MDFIC2: variants seen among roughly 807,000 people sequenced by gnomAD.
MDFIC2 encodes MyoD family inhibitor domain containing 2, also known as myoD family inhibitor domain-containing protein 2.
chr3:70,286,762 A>C (rs1702168657), intron 2 of MDFIC2, among the ~76,000 whole-genome samples: 1 of 152,104 alleles, frequency 6.6e-6, no homozygotes, highest in South Asian at 2.1e-4. Context: ...TTCTCCTTGA[A>C]GAGGTCCTTC....
At chr3:70,223,552 TC>T (rs1057271541) in intron 2 of MDFIC2, among the ~76,000 whole-genome samples, 3 of 152,106 alleles carry the variant, frequency 2.0e-5, no homozygotes, top group Admixed American at 2.0e-4. Context: ...GCTGAGGTTG[TC>T]TCCCCCACCA....
At chr3:70,303,087 T>C (rs1024479391) in intron 2 of MDFIC2, among the ~76,000 whole-genome samples, 3 of 152,208 alleles carry the variant, frequency 2.0e-5, no homozygotes, top group Non-Finnish European at 4.4e-5. Flanking sequence ...GTAAGTATTC[T>C]CCTTCCTGAA....
intron 2 of MDFIC2, among the ~76,000 whole-genome samples, chr3:70,221,361 T>C (rs1169481681): frequency 6.6e-6 from 1 of 152,170 alleles, no homozygotes; most frequent in South Asian, 2.1e-4. Flanking sequence ...TCAATTTTCC[T>C]AGTGAGGAGA....
chr3:70,232,851 GA>G (rs1403661885), intron 2 of MDFIC2, among the ~76,000 whole-genome samples: 1 of 151,988 alleles, frequency 6.6e-6, no homozygotes, highest in Non-Finnish European at 1.5e-5. Context: ...CAGAAAGAAG[GA>G]AAAAAATCTT....
intron 2 of MDFIC2, among the ~76,000 whole-genome samples, chr3:70,295,111 G>A (rs572545748): frequency 6.6e-6 from 1 of 152,162 alleles, no homozygotes; most frequent in Non-Finnish European, 1.5e-5. Flanking sequence ...GGTTAAACCA[G>A]TCAGAATTCT....
At chr3:70,253,913 T>C (rs1264453568) in intron 2 of MDFIC2, among the ~76,000 whole-genome samples, 1 of 152,130 alleles carries the variant, frequency 6.6e-6, no homozygotes, top group Non-Finnish European at 1.5e-5. Flanking sequence ...AAATGTATAA[T>C]CTCTTTTAAA....
intron 2 of MDFIC2, among the ~76,000 whole-genome samples, chr3:70,237,618 C>G (rs997363961): frequency 1.3e-5 from 2 of 152,180 alleles, no homozygotes; most frequent in Admixed American, 1.3e-4. Flanking sequence ...AACCTAGTGT[C>G]CTACATATAG....
intron 2 of MDFIC2, among the ~76,000 whole-genome samples, chr3:70,310,905 T>C (rs183221212): frequency 1.3e-5 from 2 of 152,290 alleles, no homozygotes; most frequent in East Asian, 1.9e-4. Context: ...TTTGGCACTT[T>C]CCAATTTTGT....
intron 2 of MDFIC2, among the ~76,000 whole-genome samples, chr3:70,285,977 G>C (rs1702158002): frequency 6.6e-6 from 1 of 151,348 alleles, no homozygotes; most frequent in Non-Finnish European, 1.5e-5. Context: ...CAGATGAGTA[G>C]GTTGTGAAAA....
At chr3:70,274,491 A>G (rs1258087840) in intron 2 of MDFIC2, among the ~76,000 whole-genome samples, 1 of 152,206 alleles carries the variant, frequency 6.6e-6, no homozygotes, top group Non-Finnish European at 1.5e-5. Flanking sequence ...ATTAATGTTA[A>G]GTTGACTGAA....
At chr3:70,265,961 G>C (rs1415926059) in intron 2 of MDFIC2, among the ~76,000 whole-genome samples, 1 of 152,128 alleles carries the variant, frequency 6.6e-6, no homozygotes, top group East Asian at 1.9e-4. Flanking sequence ...CCCTTGACAC[G>C]TGTAAATTAT....
chr3:70,243,648 C>T (rs184823771), intron 2 of MDFIC2, among the ~76,000 whole-genome samples: 16 of 152,212 alleles, frequency 1.1e-4, no homozygotes, highest in Non-Finnish European at 4.4e-5. Flanking sequence ...TAGCCTCTAC[C>T]CACTCGATGC....
At chr3:70,287,760 T>C (rs1476986795) in intron 2 of MDFIC2, among the ~76,000 whole-genome samples, 7 of 151,622 alleles carry the variant, frequency 4.6e-5, no homozygotes, top group Admixed American at 3.9e-4. Context: ...TATTCAGAGA[T>C]TCAACTTCTT....
chr3:70,279,320 A>G (rs913045452), intron 2 of MDFIC2, among the ~76,000 whole-genome samples: 2 of 152,098 alleles, frequency 1.3e-5, no homozygotes, highest in African/African-American at 4.8e-5. Flanking sequence ...ACACATATGG[A>G]GTGGGTGATA....
intron 2 of MDFIC2, among the ~76,000 whole-genome samples, chr3:70,231,797 A>G (rs1701562165): frequency 6.6e-6 from 1 of 152,198 alleles, no homozygotes; most frequent in Non-Finnish European, 1.5e-5. Context: ...TTAGGTGGCA[A>G]TGAAATTACT....
intron 2 of MDFIC2, among the ~76,000 whole-genome samples, chr3:70,288,520 A>T (rs1299945363): frequency 3.3e-5 from 5 of 150,628 alleles, no homozygotes; most frequent in Admixed American, 1.3e-4. Flanking sequence ...TGGTGCTGAA[A>T]AAAATGTATA....
intron 2 of MDFIC2, among the ~76,000 whole-genome samples, chr3:70,208,892 G>A (rs954536634): frequency 6.6e-6 from 1 of 151,934 alleles, no homozygotes; most frequent in African/African-American, 2.4e-5. Flanking sequence ...CTTGGTTGTG[G>A]TTTCATCCAC....
chr3:70,274,086 T>TGTGTGTGTGC (rs1282977173), intron 2 of MDFIC2, among the ~76,000 whole-genome samples: 1 of 146,592 alleles, frequency 6.8e-6, no homozygotes, highest in Middle Eastern at 3.2e-3. Flanking sequence ...TGTGTGTGTG[T>TGTGTGTGTGC]GTGTGCGCGC....
chr3:70,237,977 A>ATTTTTTTTT (rs1251005797), intron 2 of MDFIC2, among the ~76,000 whole-genome samples: 28 of 13,018 alleles, frequency 2.2e-3, no homozygotes, highest in African/African-American at 7.4e-3. Context: ...ATTGAGTGGT[A>ATTTTTTTTT]TCTTTTTTTT....
Sources: allele counts gnomAD v4.1 joint callset (sites outside exome capture counted in the v4.1 genomes callset), GRCh38; gene constraint gnomAD v4.1.1; transcripts MANE v1.5; gene names NCBI Gene and HGNC (gene_info 2026-07-23, HGNC 2026-07-21).